The following USP38 variants were observed in gnomAD, a reference collection of about 807,000 sequenced individuals.
USP38 encodes ubiquitin specific peptidase 38, also known as ubiquitin carboxyl-terminal hydrolase 38.
A neutral mutation model predicts 94.3 loss-of-function variants in USP38; 49 were observed. The observed-to-expected ratio is 0.52, with a 90% CI of 0.41 to 0.66. The LOEUF (loss-of-function observed/expected upper bound fraction) is 0.66, where lower values mean the gene tolerates loss of function less well. Ranked by LOEUF, USP38 falls within the 30% of genes least tolerant of loss-of-function variation. The probability of loss-of-function intolerance (pLI) is 0.00; values close to 1 mark genes in which losing one functional copy is unlikely to be tolerated. For synonymous variants in USP38, 468 were observed against 463.6 expected, an observed-to-expected ratio of 1.01 and a Z score of -0.12; for missense variants, 1,128 against 1,229.4, an observed-to-expected ratio of 0.92 and a Z score of 1.23.
At chr4:143,187,275 C>T (rs1189245696) in intron 1 of USP38, among the ~76,000 whole-genome samples, 1 of 152,076 alleles carries the variant, frequency 6.6e-6, no homozygotes, top group Non-Finnish European at 1.5e-5. Context: ...TAAAAATCTT[C>T]CTTAGAGCAA....
intron 2 of USP38, among the ~76,000 whole-genome samples, chr4:143,195,110 A>G (rs1282850901): frequency 6.6e-6 from 1 of 152,196 alleles, no homozygotes; most frequent in South Asian, 2.1e-4. Flanking sequence ...ATTTCATATT[A>G]GACTGTACTC....
intron 9 of USP38, among the ~76,000 whole-genome samples, chr4:143,218,855 G>A (rs528509558): frequency 4.6e-5 from 7 of 152,178 alleles, no homozygotes; most frequent in Non-Finnish European, 1.0e-4. Context: ...TTCATCGCTT[G>A]TTTGGATAGT....
intron 6 of USP38, among the ~76,000 whole-genome samples, chr4:143,208,443 C>T (rs1278393816): frequency 6.6e-6 from 1 of 152,072 alleles, no homozygotes; most frequent in African/African-American, 2.4e-5. Context: ...AAAGCTGTAG[C>T]ATTTTGAACT....
chr4:143,212,651 C>T (rs926673834), intron 8 of USP38, among the ~76,000 whole-genome samples: 5 of 152,024 alleles, frequency 3.3e-5, no homozygotes, highest in Middle Eastern at 3.2e-3. Context: ...AGGACCCCTG[C>T]GGGTTCCCAA....
chr4:143,191,629 C>T (rs139466494), intron 2 of USP38, among the ~76,000 whole-genome samples: 109 of 152,252 alleles, frequency 7.2e-4, no homozygotes, highest in African/African-American at 2.6e-3. Context: ...ATGTACTTTT[C>T]TTTAGCTATA....
At chr4:143,205,230 CTT>C (rs1731827312) in intron 5 of USP38, among the ~76,000 whole-genome samples, 1 of 152,124 alleles carries the variant, frequency 6.6e-6, no homozygotes, top group Non-Finnish European at 1.5e-5. Context: ...AAAGAAAGCA[CTT>C]TTTCTTAGCT....
Position 143,214,340 on chromosome 4 carries a change from G to A in USP38, c.2364G>A (p.Leu788=), listed in dbSNP as rs1732122345. ...RKILDNVSLP[L]VLELPVKRIT... is the part of the protein sequence containing the mutation. ...TTTTAGACAATGTATCACTGCCACT[G>A]GTTTTGGAGTTGCCAGTTAAAAGAA... Residue 788 remains leucine, a synonymous_variant, in exon 9 of 10, where the codon CTG becomes CTA. Transcript: ENST00000307017. 7 of 1,613,324 alleles carry A rather than the reference G, an allele frequency of 4.3e-6. No individual in the cohort carries two copies. The highest frequency in any genetic ancestry group is 1.7e-5 in the Admixed American group (1 of 59,872).
chr4:143,192,595 G>A (rs1297681969), intron 2 of USP38, among the ~76,000 whole-genome samples: 2 of 112,172 alleles, frequency 1.8e-5, no homozygotes, highest in Non-Finnish European at 3.4e-5. Context: ...AAGCAGATTT[G>A]GTGTCTGGTG....
At chr4:143,198,427 G>T (rs1428913817) in intron 4 of USP38, among the ~76,000 whole-genome samples, 1 of 152,142 alleles carries the variant, frequency 6.6e-6, no homozygotes, top group Admixed American at 6.5e-5. Context: ...CTGCAGATGA[G>T]AAATGACAAA....
chr4:143,213,372 T>C (rs185939039), intron 8 of USP38, among the ~76,000 whole-genome samples: 1 of 152,294 alleles, frequency 6.6e-6, no homozygotes, highest in East Asian at 1.9e-4. Flanking sequence ...ATGAAGAAAG[T>C]GTAATGAGAA....
At chr4:143,204,380 A>G in intron 5 of USP38, 1 of 449,710 alleles carries the variant, frequency 2.2e-6, no homozygotes. Context: ...TTATATGGAA[A>G]TGGTTCTAAA....
At position 143,213,700 on chromosome 4, in the gene USP38, C is replaced by T. The variant is rs1732091672; in HGVS notation, c.1724C>T (p.Thr575Ile). Residue 575 changes from threonine (T) to isoleucine (I), a missense_variant, in exon 9 of 10, where the codon ACC (threonine) becomes ATC (isoleucine). By Grantham distance (89) the Thr-to-Ile change is moderately conservative (BLOSUM62 -1). Coordinates refer to ENST00000307017, the MANE Select transcript of USP38 (RefSeq NM_032557.6). Reference protein sequence around the residue: ...VASKAAVLTETPRTSDGEKTL... With the variant: ...VASKAAVLTEIPRTSDGEKTL... The stretch of plus-strand genomic sequence containing the variant: ...AGTAAAGCAGCAGTACTAACAGAGA[C>T]CCCTCGTACAAGTGACGGTGAGAAG... The T allele has an allele frequency of 6.2e-7, 1 of 1,613,726 alleles. No individual in the cohort carries two copies. Among genetic ancestry groups the T allele is most frequent in the Non-Finnish European group, 8.5e-7 (1 of 1,179,814 alleles).
chr4:143,185,525 G>A lies in USP38; in HGVS notation c.75G>A (p.Val25=), dbSNP rs528418329. The A allele has an allele frequency of 1.1e-5, 18 of 1,613,298 alleles. No homozygotes were observed. The African/African-American group carries it at 2.0e-4, about 18-fold the overall frequency. Residue 25 remains valine (V), a synonymous_variant, in exon 1 of 10, where the codon GTG becomes GTA. Transcript: ENST00000307017. ...TCAAGCGGGTGATTGTGCGGAAGGT[G>A]GTGGAATCGGCGGAGCACTGGCTAG... The part of the protein sequence containing the change: ...LPLKRVIVRK[V]VESAEHWLDE...
In USP38 at chr4:143,185,922, A is replaced by G. The variant is rs1348641853; in HGVS notation, c.472A>G (p.Ile158Val). Residue 158 changes from isoleucine to valine, a missense_variant, in exon 1 of 10, where the codon ATC becomes GTC. Ile to Val is a conservative substitution (Grantham distance 29). Coordinates refer to ENST00000307017, the MANE Select transcript of USP38 (RefSeq NM_032557.6). Reference sequence around the variant, plus strand: ...CCTTCTGACCGACTTTGTGCAATGCATCCCCAAGGGGAAATTGTCCATCAC... The same window carrying G: ...CCTTCTGACCGACTTTGTGCAATGCGTCCCCAAGGGGAAATTGTCCATCAC... ...SDLLTDFVQC[I>V]PKGKLSITFC... 1.9e-6 allele frequency: 3 copies of G among 1,614,182 alleles called. No homozygotes were observed. The South Asian group carries it at 3.3e-5, about 18-fold the overall frequency.
In USP38 at chr4:143,185,539, A is replaced by C. The variant is rs760865362; in HGVS notation, c.89A>C (p.Glu30Ala). The change falls in exon 1 of 10, where the codon GAG (glutamate) becomes GCG (alanine). Residue 30 changes from glutamate (E) to alanine (A), a missense_variant. Physicochemically the swap from Glu to Ala is moderately radical, Grantham distance 107 (BLOSUM62 -1). Coordinates refer to ENST00000307017, the MANE Select transcript of USP38 (RefSeq NM_032557.6). ...GTGCGGAAGGTGGTGGAATCGGCGGAGCACTGGCTAGACGAGGCGCAGTGC... is the reference window on the plus strand; with the variant it reads ...GTGCGGAAGGTGGTGGAATCGGCGGCGCACTGGCTAGACGAGGCGCAGTGC... The part of the protein sequence containing the change: ...VIVRKVVESA[E>A]HWLDEAQCEA... The C allele has an allele frequency of 8.7e-6, 14 of 1,613,696 alleles. 1 individual carries two copies. The highest frequency in any genetic ancestry group is 9.3e-6 in the Non-Finnish European group (11 of 1,179,866).
In USP38 at chr4:143,212,329, C is replaced by G; in HGVS notation, c.1509C>G (p.Tyr503Ter). The G allele has an allele frequency of 6.2e-7, 1 of 1,608,640 alleles. No individual in the cohort carries two copies. The highest frequency in any genetic ancestry group is 8.5e-7 in the Non-Finnish European group (1 of 1,177,326). The change falls in exon 8 of 10, where the codon TAC becomes TAG. Residue 503 changes from tyrosine to a stop codon, truncating the protein, a stop_gained. Coordinates refer to ENST00000307017, the MANE Select transcript of USP38 (RefSeq NM_032557.6). LOFTEE classifies it high-confidence loss of function. ...AFLAHTQREA[Y>*]APRIFFEASR... ...ATTGCTCTCAAAAGAGGGAAGCATA[C>G]GCACCTCGGATATTCTTTGAGGCTT...
Position 143,212,021 on chromosome 4 carries a change from T to G in USP38, c.1498-297T>G, listed in dbSNP as rs537479219. 5.4e-4 allele frequency among the ~76,000 whole-genome samples: 82 copies of G among 152,320 alleles called. No individual in the cohort carries two copies. The South Asian group carries it at 0.017, about 31-fold the overall frequency. On this transcript the variant is annotated intron_variant, in intron 7 of 9. Coordinates refer to ENST00000307017, the MANE Select transcript of USP38 (RefSeq NM_032557.6). The stretch of plus-strand genomic sequence containing the variant: ...ATACCAGGAGCTTTATATCAAGAGT[T>G]AGACATGGGTTCTACTTTAATGCCT...
At chr4:143,201,043 G>A (rs564179670) in intron 4 of USP38, among the ~76,000 whole-genome samples, 3 of 152,218 alleles carry the variant, frequency 2.0e-5, no homozygotes, top group South Asian at 2.1e-4. Flanking sequence ...AATTTGTGTG[G>A]AACCAAAGAA....
rs10598 is a variant in USP38 at position 143,220,798 on chromosome 4, T to A, written c.*342T>A. On this transcript the variant is annotated 3_prime_UTR_variant, in exon 10 of 10. Coordinates refer to ENST00000307017, the MANE Select transcript of USP38 (RefSeq NM_032557.6). ...AGTTTTACTGAACAAAAAATGTAATTTATTTAGCATTCTTTATAAAAGAAT... is the reference window on the plus strand; with the variant it reads ...AGTTTTACTGAACAAAAAATGTAATATATTTAGCATTCTTTATAAAAGAAT... The A allele has an allele frequency of 0.049, 8,057 of 163,116 alleles. 280 individuals are homozygous for A. The highest frequency in any genetic ancestry group is 0.098 in the African/African-American group (4,115 of 42,006). 10.1% of individuals were successfully genotyped at this position (163,116 alleles called of 1,614,324 possible). A position where few individuals can be genotyped will look rare whatever the true frequency, so the allele number is the denominator to read the frequency against.
Sources: gnomAD v4.1 joint callset for allele counts (sites outside exome capture counted in the v4.1 genomes callset) on GRCh38, gnomAD v4.1.1 for gene constraint, MANE v1.5 for transcripts, NCBI Gene and HGNC (gene_info 2026-07-23, HGNC 2026-07-21) for gene names.